Variants in ADAMTSL2 observed in about 807,000 individuals in gnomAD.
ADAMTSL2 encodes the protein ADAMTS like 2.
ADAMTSL2 carries 55 observed loss-of-function variants against 117.0 expected under a neutral mutation model. The observed-to-expected ratio is 0.47, with a 90% CI of 0.38 to 0.59. ADAMTSL2 has a LOEUF of 0.59. Ranked by LOEUF, ADAMTSL2 falls within the 20% of genes least tolerant of loss-of-function variation. ADAMTSL2 has a pLI of 0.00. For missense variants in ADAMTSL2, 1,182 were observed against 1,354.5 expected, an observed-to-expected ratio of 0.87 and a Z score of 2.00; for synonymous variants, 572 against 566.4, an observed-to-expected ratio of 1.01 and a Z score of -0.14.
rs1369018766 is a variant in ADAMTSL2, at chr9:133,573,994, C to T, written c.2737+7C>T. 1.4e-5 allele frequency: 23 copies of T among 1,610,976 alleles called. No individual in the cohort carries two copies. Among genetic ancestry groups the T allele is most frequent in the Middle Eastern group, 1.6e-4 (1 of 6,062 alleles). On this transcript the variant is annotated splice_region_variant and intron_variant, in intron 18 of 18. Transcript: ENST00000651351. ...TGCCCCACGGAGCCCCCAGGTGAGG[C>T]GCGGGGAGGCCGAGGGTGGCTCTGG...
intron 12 of ADAMTSL2, 63 bp downstream of exon 12, chr9:133,561,358 G>C: frequency 1.4e-6 from 2 of 1,420,334 alleles, no homozygotes; most frequent in Non-Finnish European, 1.9e-6. Context: ...GACATGGGCT[G>C]GGGCTGTGGG....
At chr9:133,564,659 AGAGAGAGAGG>A (rs1350002351) in intron 12 of ADAMTSL2, among the ~76,000 whole-genome samples, 18 of 117,090 alleles carry the variant, frequency 1.5e-4, no homozygotes, top group East Asian at 5.3e-4. Context: ...GGAGAGAGGG[AGAGAGAGAGG>A]GAGAGGGAGA....
intron 12 of ADAMTSL2, among the ~76,000 whole-genome samples, chr9:133,562,171 A>T (rs1830744338): frequency 6.6e-6 from 1 of 152,140 alleles, no homozygotes. Flanking sequence ...GCCAGTGAGG[A>T]TTCCACACAG....
chr9:133,559,039 C>T (rs1427684277), intron 11 of ADAMTSL2, among the ~76,000 whole-genome samples: 1 of 152,106 alleles, frequency 6.6e-6, no homozygotes, highest in Non-Finnish European at 1.5e-5. Flanking sequence ...TGGCTCAGAG[C>T]ATGTAATTAG....
chr9:133,566,862 C>A, intron 12 of ADAMTSL2, 74 bp from the exon 13 acceptor site: 1 of 1,553,864 alleles, frequency 6.4e-7, no homozygotes, highest in Non-Finnish European at 8.7e-7. Flanking sequence ...TGACTTGCCC[C>A]AAGTCCTGAG....
At chr9:133,555,961 G>A in intron 11 of ADAMTSL2, 31 bp downstream of exon 11, 1 of 1,604,164 alleles carries the variant, frequency 6.2e-7, no homozygotes, top group South Asian at 1.1e-5. Context: ...CCCTGTCCAG[G>A]GCCCTCAGGG....
Position 133,570,348 on chromosome 9 carries a change from G to A in ADAMTSL2, c.2433G>A (p.Gly811=). ...QDWERCNTTC[G]RGVKKRLVLC... ...GGCCTCAGTGCAACACCACCTGCGGGCGCGGGGTCAAGAAGCGGCTGGTGC... is the reference window on the plus strand; with the variant it reads ...GGCCTCAGTGCAACACCACCTGCGGACGCGGGGTCAAGAAGCGGCTGGTGC... Residue 811 remains glycine, a synonymous_variant, in exon 17 of 19, where the codon GGG becomes GGA. Coordinates refer to ENST00000651351, the MANE Select transcript of ADAMTSL2 (RefSeq NM_014694.4). 1 of 1,547,548 alleles carries A rather than the reference G, an allele frequency of 6.5e-7. No homozygotes were observed.
chr9:133,538,264 G>T lies in ADAMTSL2; in HGVS notation c.234-85G>T, dbSNP rs1005106889. On this transcript the variant is annotated intron_variant, in intron 3 of 18. Coordinates refer to ENST00000651351, the MANE Select transcript of ADAMTSL2 (RefSeq NM_014694.4). ...GGGTCACGGGTATCGGGAGATTCTGGATCCCAGTGGCCGTGGGGCCAGCCC... is the reference window on the plus strand; with the variant it reads ...GGGTCACGGGTATCGGGAGATTCTGTATCCCAGTGGCCGTGGGGCCAGCCC... 14 of 1,520,666 alleles carry T rather than the reference G, an allele frequency of 9.2e-6. No individual in the cohort carries two copies. The African/African-American group carries it at 1.8e-4, about 19-fold the overall frequency. 94.2% of individuals were successfully genotyped at this position (1,520,666 alleles called of 1,614,324 possible). A position where few individuals can be genotyped will look rare whatever the true frequency, so the allele number is the denominator to read the frequency against.
chr9:133,540,282 G>T (rs117608058), intron 5 of ADAMTSL2, among the ~76,000 whole-genome samples: 3 of 152,204 alleles, frequency 2.0e-5, no homozygotes, highest in Non-Finnish European at 2.9e-5. Context: ...AAGGGCCAGG[G>T]CTGGGGTGCC....
At position 133,539,889 on chromosome 9, in the gene ADAMTSL2, G is replaced by T; in HGVS notation, c.412+16G>T. ...CTGTACCCGGGTACCTGCCGCCCTG[G>T]GGACCCACCTTGCAGGGAGCTGACT... On this transcript the variant is annotated intron_variant, in intron 5 of 18. Coordinates refer to ENST00000651351, the MANE Select transcript of ADAMTSL2 (RefSeq NM_014694.4). 2 of 1,550,300 alleles carry T rather than the reference G, an allele frequency of 1.3e-6. No individual in the cohort carries two copies. The highest frequency in any genetic ancestry group is 1.7e-6 in the Non-Finnish European group (2 of 1,146,566).
At position 133,573,921 on chromosome 9, in the gene ADAMTSL2, G is replaced by A. The variant is rs955825788; in HGVS notation, c.2671G>A (p.Asp891Asn). ...GGGGACCGACATCGTCCGTGGTTGC[G>A]ATCCGTTGGTGAAGCCCGTTGGCAG... Reference protein sequence around the residue: ...YQGTDIVRGCDPLVKPVGRQA... With the variant: ...YQGTDIVRGCNPLVKPVGRQA... The change falls in exon 18 of 19, where the codon GAT becomes AAT. Residue 891 changes from aspartate (D) to asparagine (N), a missense_variant. Coordinates refer to ENST00000651351, the MANE Select transcript of ADAMTSL2 (RefSeq NM_014694.4). The A allele has an allele frequency of 4.6e-5, 74 of 1,614,102 alleles. No individual in the cohort carries two copies. The Admixed American group carries it at 9.5e-4, about 21-fold the overall frequency.
intron 12 of ADAMTSL2, among the ~76,000 whole-genome samples, chr9:133,565,129 C>T (rs999737881): frequency 1.4e-4 from 22 of 152,304 alleles, no homozygotes; most frequent in African/African-American, 5.3e-4. Context: ...GGCCCCCAGG[C>T]TTCATCCTCC....
intron 1 of ADAMTSL2, among the ~76,000 whole-genome samples, chr9:133,535,605 C>T (rs1464954056): frequency 2.0e-5 from 3 of 152,158 alleles, no homozygotes; most frequent in African/African-American, 7.2e-5. Flanking sequence ...TCCATGCCTT[C>T]TTCCCCTGGA....
At chr9:133,538,225 G>T in intron 3 of ADAMTSL2, 124 bp from the exon 4 acceptor site, 1 of 1,133,988 alleles carries the variant, frequency 8.8e-7, no homozygotes, top group Non-Finnish European at 1.3e-6. Context: ...TGAGTAGGGA[G>T]GAAGGAGCCC....
intron 18 of ADAMTSL2, 54 bp from the exon 19 acceptor site, chr9:133,574,692 G>T (rs975944429): frequency 6.6e-7 from 1 of 1,526,428 alleles, no homozygotes; most frequent in Non-Finnish European, 9.1e-7. Flanking sequence ...TGGGGTTTTC[G>T]CCCCTTGGCC....
At chr9:133,570,920 G>A (rs1831090717) in intron 17 of ADAMTSL2, among the ~76,000 whole-genome samples, 1 of 152,200 alleles carries the variant, frequency 6.6e-6, no homozygotes, top group African/African-American at 2.4e-5. Flanking sequence ...GCAGCCGCTT[G>A]GAATTTAGGG....
At position 133,551,375 on chromosome 9, in the gene ADAMTSL2, C is replaced by A. The variant is rs1298825265; in HGVS notation, c.940-2982C>A. On this transcript the variant is annotated intron_variant, in intron 9 of 18. Transcript: ENST00000651351. ...GAGTCTTGGATGGGGGAGTTTGGGT[C>A]CCTTGCTGACACAGCTTTGTCGTAC... 4.6e-5 allele frequency among the ~76,000 whole-genome samples: 7 copies of A among 152,134 alleles called. No individual in the cohort carries two copies. The East Asian group carries it at 1.2e-3, about 25-fold the overall frequency.
Position 133,539,686 on chromosome 9 carries a change from G to GT in ADAMTSL2, c.310-85_310-84insT, listed in dbSNP as rs1554810799. ...CCCGGCTGTCCCGGCTGTCCCGGCT[G>GT]CAGCCACTTCCTGCTTAGCCTGGAC... On this transcript the variant is annotated intron_variant, in intron 4 of 18. Coordinates refer to ENST00000651351, the MANE Select transcript of ADAMTSL2 (RefSeq NM_014694.4). 5.1e-5 allele frequency: 67 copies of GT among 1,306,628 alleles called. 1 individual carries two copies. Among genetic ancestry groups the GT allele is most frequent in the African/African-American group, 7.3e-5 (5 of 68,032 alleles). The allele number at this position is 1,306,628 out of a possible 1,614,324, so 80.9% of individuals were successfully genotyped here.
rs971630043 is a variant in ADAMTSL2 at position 133,561,261 on chromosome 9, G to T, written c.1713G>T (p.Ser571=). The T allele has an allele frequency of 1.2e-6, 2 of 1,605,130 alleles. No individual in the cohort carries two copies. Among genetic ancestry groups the T allele is most frequent in the African/African-American group, 2.7e-5 (2 of 74,878 alleles). The stretch of plus-strand genomic sequence containing the variant: ...CGGACATGTACCGGTGGAAGCTCTC[G>T]TCCCACGAGCCCTGCAGTGCCACCT... The part of the protein sequence containing the change: ...SPADMYRWKL[S]SHEPCSATCT... Residue 571 remains serine (S), a synonymous_variant, in exon 12 of 19, where the codon TCG becomes TCT. Transcript: ENST00000651351.
Sources: gnomAD v4.1 joint callset for allele counts (sites outside exome capture counted in the v4.1 genomes callset) on GRCh38, gnomAD v4.1.1 for gene constraint, MANE v1.5 for transcripts, NCBI Gene and HGNC (gene_info 2026-07-23, HGNC 2026-07-21) for gene names.